The following ZNF558 variants were observed in gnomAD, a reference collection of about 807,000 sequenced individuals.
The protein encoded by ZNF558 is zinc finger protein 558.
ZNF558 carries 23 observed loss-of-function variants against 37.6 expected under a neutral mutation model. The ratio of observed to expected loss-of-function variants is 0.61; its 90% CI spans 0.44 to 0.87. The LOEUF (loss-of-function observed/expected upper bound fraction) is 0.87. Ranked by LOEUF, ZNF558 falls within the 40% of genes least tolerant of loss-of-function variation. The pLI is 0.00. For missense variants in ZNF558, 429 were observed against 483.7 expected (o/e 0.89, Z 1.06); for synonymous variants, 189 against 174.4 (o/e 1.08, Z -0.66).
At chr19:8,814,421 C>G (rs1434363324) in intron 7 of ZNF558, among the ~76,000 whole-genome samples, 1 of 152,158 alleles carries the variant, frequency 6.6e-6, no homozygotes. Flanking sequence ...TTAGTCAGTA[C>G]TGCTTGAGGC....
intron 7 of ZNF558, among the ~76,000 whole-genome samples, chr19:8,818,864 G>A (rs774540003): frequency 1.8e-4 from 27 of 152,192 alleles, no homozygotes; most frequent in Non-Finnish European, 3.8e-4. Context: ...TTGAGAGTAT[G>A]TAAATAAACT....
At chr19:8,829,253 C>T (rs1051695344) in intron 2 of ZNF558, among the ~76,000 whole-genome samples, 3 of 149,868 alleles carry the variant, frequency 2.0e-5, no homozygotes, top group Non-Finnish European at 4.4e-5. Flanking sequence ...GAGTGAGACT[C>T]CATCTCAAAA....
chr19:8,836,433 C>G (rs1472627566), upstream of ZNF558, among the ~76,000 whole-genome samples: 1 of 150,950 alleles, frequency 6.6e-6, no homozygotes, highest in East Asian at 1.9e-4. Context: ...TTCTTTCCTC[C>G]TCCTCCTTCT....
chr19:8,822,791 C>CA lies in ZNF558; in HGVS notation c.-65-68_-65-67insT. The CA allele has an allele frequency of 7.3e-7, 1 of 1,361,996 alleles. No individual in the cohort carries two copies. Among genetic ancestry groups the CA allele is most frequent in the Non-Finnish European group, 1.0e-6 (1 of 971,278 alleles). The allele number at this position is 1,361,996 out of a possible 1,614,324, so 84.4% of individuals were successfully genotyped here. ...CCTCTCGGGCTGCTGGGGATGGGCC[C>CA]TCCTCAACCCATCCTTCCCATCCTT... On this transcript the variant is annotated intron_variant, in intron 4 of 9. Transcript: ENST00000601372. This position sits in a 1 kb window ranked among gnomAD's most constrained non-coding sequence, Gnocchi z 4.4.
In ZNF558 at chr19:8,811,123, T is replaced by G. The variant is rs2043775085; in HGVS notation, c.*158A>C. 1 of 643,380 alleles carries G rather than the reference T, an allele frequency of 1.6e-6. No homozygotes were observed. The highest frequency in any genetic ancestry group is 3.3e-5 in the Admixed American group (1 of 30,622). 39.9% of individuals were successfully genotyped at this position (643,380 alleles called of 1,614,324 possible). On this transcript the variant is annotated 3_prime_UTR_variant, in exon 10 of 10. Transcript: ENST00000601372. Reference sequence around the variant, plus strand: ...TCTTGAATTCCTGATCTGTAGAAATTGTTAGAGAATAAACATTTCGTGTTT... The same window carrying G: ...TCTTGAATTCCTGATCTGTAGAAATGGTTAGAGAATAAACATTTCGTGTTT...
intron 6 of ZNF558, 107 bp downstream of exon 6, chr19:8,821,896 T>A: frequency 6.5e-7 from 1 of 1,538,420 alleles, no homozygotes. Context: ...AATCCTGGGA[T>A]GCCTGAGGAC....
Position 8,822,186 on chromosome 19 carries a change from G to T in ZNF558, c.32-95C>A. On this transcript the variant is annotated intron_variant, in intron 5 of 9. Coordinates refer to ENST00000601372, the MANE Select transcript of ZNF558 (RefSeq NM_144693.3). This position sits in a 1 kb window ranked among gnomAD's most constrained non-coding sequence, Gnocchi z 4.4. ...CACACCCACCTCCCACACCCACACG[G>T]ATGAGGCACCACACAGTGCCCACCT... 1 of 1,481,030 alleles carries T rather than the reference G, an allele frequency of 6.8e-7. No homozygotes were observed. The highest frequency in any genetic ancestry group is 9.3e-7 in the Non-Finnish European group (1 of 1,075,816). The allele number at this position is 1,481,030 out of a possible 1,614,324, so 91.7% of individuals were successfully genotyped here.
intron 4 of ZNF558, among the ~76,000 whole-genome samples, chr19:8,823,558 G>C (rs888569879): frequency 1.3e-4 from 14 of 108,232 alleles, no homozygotes; most frequent in Non-Finnish European, 1.4e-4. Context: ...CCTGCCCTTG[G>C]TCACCCTGCT....
chr19:8,823,839 G>C (rs1215840516), intron 4 of ZNF558: 1 of 152,150 alleles, frequency 6.6e-6, no homozygotes, highest in African/African-American at 2.4e-5. Context: ...CTGTGCAAAG[G>C]CTGTGACGTT....
chr19:8,814,298 T>C (rs1428816525), intron 7 of ZNF558, among the ~76,000 whole-genome samples: 1 of 152,134 alleles, frequency 6.6e-6, no homozygotes, highest in Non-Finnish European at 1.5e-5. Flanking sequence ...TGTCTGGTGG[T>C]TCCCTGAAGG....
At chr19:8,830,493 T>A (rs1291336011) in intron 2 of ZNF558, among the ~76,000 whole-genome samples, 1 of 152,136 alleles carries the variant, frequency 6.6e-6, no homozygotes, top group Non-Finnish European at 1.5e-5. Flanking sequence ...TCAAAACACA[T>A]CTGGTCGCCG....
At position 8,811,941 on chromosome 19, in the gene ZNF558, A is replaced by G; in HGVS notation, c.549T>C (p.Ser183=). The change falls in exon 10 of 10, where the codon AGT becomes AGC. Residue 183 remains serine, a synonymous_variant. Coordinates refer to ENST00000601372, the MANE Select transcript of ZNF558 (RefSeq NM_144693.3). ...IHTGEKPYDC[S]QCGKSFSSRS... is the part of the protein sequence containing the mutation. ...TGCTACTGAAGGACTTCCCACATTG[A>G]CTACAGTCATAGGGTTTTTCTCCAG... is the stretch of plus-strand genomic sequence containing the variant. 6.2e-7 allele frequency: 1 copy of G among 1,613,842 alleles called. No individual in the cohort carries two copies. The highest frequency in any genetic ancestry group is 1.3e-5 in the African/African-American group (1 of 74,958).
At chr19:8,835,645 G>A (rs181870888), upstream of ZNF558, among the ~76,000 whole-genome samples, 1 of 152,210 alleles carries the variant, frequency 6.6e-6, no homozygotes, top group Admixed American at 6.6e-5. Flanking sequence ...TCATAGAGTT[G>A]CCACGTGACC....
intron 2 of ZNF558, chr19:8,831,023 A>G (rs567121416): frequency 1.3e-5 from 2 of 152,266 alleles, no homozygotes; most frequent in Non-Finnish European, 2.9e-5. Context: ...TATAAAATTC[A>G]GAAACTTTTA....
rs184205837 is a variant in ZNF558 at position 8,829,197 on chromosome 19, T to C, written c.-509+2121A>G. 6.8e-3 allele frequency among the ~76,000 whole-genome samples: 1,036 copies of C among 151,446 alleles called. 8 individuals are homozygous for C. Among genetic ancestry groups the C allele is most frequent in the Non-Finnish European group, 9.5e-3 (642 of 67,852 alleles). On this transcript the variant is annotated intron_variant, in intron 2 of 9. Coordinates refer to ENST00000601372, the MANE Select transcript of ZNF558 (RefSeq NM_144693.3). Reference sequence around the variant, plus strand: ...CTGCTTGAACCCGGGAGGCCGGGGGTTGCAGTGAGCTGAGATTGCAACACA... The same window carrying C: ...CTGCTTGAACCCGGGAGGCCGGGGGCTGCAGTGAGCTGAGATTGCAACACA...
chr19:8,819,659 TG>T, intron 7 of ZNF558, among the ~76,000 whole-genome samples: 1 of 152,174 alleles, frequency 6.6e-6, no homozygotes, highest in Non-Finnish European at 1.5e-5. Context: ...GGCAGAGGAC[TG>T]GGAGCGGTGG....
In ZNF558 at chr19:8,827,471, T is replaced by C. The variant is rs953510413; in HGVS notation, c.-508-2363A>G. Among the ~76,000 whole-genome samples the C allele has an allele frequency of 5.3e-5, 8 of 152,206 alleles. No individual in the cohort carries two copies. The East Asian group carries it at 1.3e-3, about 26-fold the overall frequency. On this transcript the variant is annotated intron_variant, in intron 2 of 9. Transcript: ENST00000601372. ...CATCACCCTCTGGCCCACAACTCTT[T>C]AGTGTCTTCCCACTGGCCTGAGAAC...
At chr19:8,827,073 T>C (rs1301807356) in intron 2 of ZNF558, among the ~76,000 whole-genome samples, 1 of 152,052 alleles carries the variant, frequency 6.6e-6, no homozygotes, top group Non-Finnish European at 1.5e-5. Flanking sequence ...TGGGACATTT[T>C]CAGGCCCCAA....
chr19:8,826,141 C>A (rs551392718), intron 2 of ZNF558, among the ~76,000 whole-genome samples: 1 of 152,052 alleles, frequency 6.6e-6, no homozygotes, highest in Non-Finnish European at 1.5e-5. Flanking sequence ...AGATGAAAAA[C>A]GCAGGAAATG....
Sources: gnomAD v4.1 joint callset for allele counts (sites outside exome capture counted in the v4.1 genomes callset) on GRCh38, gnomAD v4.1.1 for gene constraint, Gnocchi (gnomAD v3.1) non-coding constraint, MANE v1.5 for transcripts, NCBI Gene and HGNC (gene_info 2026-07-23, HGNC 2026-07-21) for gene names.